Variants in LPA observed in about 807,000 individuals in gnomAD.
LPA encodes apolipoprotein(a).
LPA carries 199 observed loss-of-function variants against 197.9 expected under a neutral mutation model. The observed-to-expected ratio is 1.01, with a 90% CI of 0.90 to 1.13. LPA has a LOEUF of 1.13. Among genes scored for constraint, LPA ranks in the 50% most tolerant of loss-of-function variants. LPA has a pLI of 0.00. For synonymous variants in LPA, 715 were observed against 639.5 expected (o/e 1.12, Z -1.78); for missense variants, 1,853 against 1,785.8 (o/e 1.04, Z -0.68).
intron 22 of LPA, among the ~76,000 whole-genome samples, chr6:160,592,401 C>CTT (rs1734144937): frequency 6.6e-6 from 1 of 152,170 alleles, no homozygotes; most frequent in Non-Finnish European, 1.5e-5. Flanking sequence ...CTCTTCAATT[C>CTT]TTTTCTTTTC....
chr6:160,541,249 C>T, intron 34 of LPA, 68 bp from the exon 35 acceptor site: 1 of 1,143,242 alleles, frequency 8.7e-7, no homozygotes, highest in Non-Finnish European at 1.3e-6. Flanking sequence ...GTACAGAAAG[C>T]CAGGAAGACA....
chr6:160,579,440 G>T (rs984506140), intron 26 of LPA, among the ~76,000 whole-genome samples: 1 of 152,158 alleles, frequency 6.6e-6, no homozygotes, highest in Non-Finnish European at 1.5e-5. Context: ...TCTGCTGGCT[G>T]CAGCCACTCT....
chr6:160,606,591 G>T lies in LPA; in HGVS notation c.2671C>A (p.Pro891Thr). ...TTGCAGTACTCCCACCTGACACTGG[G>T]ATCCCTCGTATAACAATAAGGGGCT... The part of the protein sequence containing the change: ...VAAPYCYTRD[P>T]SVRWEYCNLT... The change falls in exon 17 of 39, where the codon CCC (proline) becomes ACC (threonine). Residue 891 changes from proline (P) to threonine (T), a missense_variant. Pro to Thr is a conservative substitution (Grantham distance 38, BLOSUM62 -1). Around this residue, in one of 3 missense-constraint regions of LPA, gnomAD observed 1,737 missense variants for 1,504.4 expected, o/e 1.15. Transcript: ENST00000316300. 1 of 1,613,906 alleles carries T rather than the reference G, an allele frequency of 6.2e-7. No individual in the cohort carries two copies. Among genetic ancestry groups the T allele is most frequent in the South Asian group, 1.1e-5 (1 of 91,064 alleles).
Position 160,580,772 on chromosome 6 carries a change from A to T in LPA, c.4290-2068T>A, listed in dbSNP as rs58013227. Among the ~76,000 whole-genome samples, 357 of 152,324 alleles carry T rather than the reference A, an allele frequency of 2.3e-3. 1 individual carries two copies. Among genetic ancestry groups the T allele is most frequent in the African/African-American group, 8.0e-3 (334 of 41,580 alleles). ...TGATTAGGTTGTTTGTCCTCTGATT[A>T]GTGAGTGGGAGAAATGTTTCTATAC... On this transcript the variant is annotated intron_variant, in intron 26 of 38. Transcript: ENST00000316300.
intron 21 of LPA, among the ~76,000 whole-genome samples, chr6:160,594,388 C>T (rs528917066): frequency 1.6e-4 from 24 of 152,318 alleles, no homozygotes; most frequent in African/African-American, 5.3e-4. Flanking sequence ...CATGTGCATG[C>T]TCTTTAATAT....
chr6:160,599,859 G>A (rs1779205099), intron 19 of LPA, among the ~76,000 whole-genome samples, 200 bp from the exon 20 acceptor site: 1 of 152,264 alleles, frequency 6.6e-6, no homozygotes, highest in Non-Finnish European at 1.5e-5. Flanking sequence ...ACTGTAGTAA[G>A]TTCTTAGAAA....
chr6:160,546,484 A>C (rs1384194526), intron 32 of LPA, among the ~76,000 whole-genome samples: 2 of 152,170 alleles, frequency 1.3e-5, no homozygotes, highest in Non-Finnish European at 2.9e-5. Context: ...AAATAAAAGT[A>C]ACGTGTTTCC....
At chr6:160,646,670 C>T (rs1374254618) in intron 2 of LPA, among the ~76,000 whole-genome samples, 2 of 130,466 alleles carry the variant, frequency 1.5e-5, no homozygotes, top group Non-Finnish European at 3.2e-5. Flanking sequence ...ACACACGTGG[C>T]CGAAAAACGA....
At chr6:160,589,517 T>C (rs1160777884) in intron 24 of LPA, 36 bp downstream of exon 24, 2 of 1,610,432 alleles carry the variant, frequency 1.2e-6, no homozygotes, top group Non-Finnish European at 1.7e-6. Flanking sequence ...TTTAAGTGGG[T>C]GGCTGTTTCT....
Position 160,606,211 on chromosome 6 carries a change from T to TG in LPA, c.2785+265_2785+266insC, listed in dbSNP as rs759391234. On this transcript the variant is annotated intron_variant, in intron 17 of 38. Coordinates refer to ENST00000316300, the MANE Select transcript of LPA (RefSeq NM_005577.4). ...AAAAATTTTGGCTAAGACACTGAGA[T>TG]AGCCCATTTTTCAACGAGGTGAGTT... Among the ~76,000 whole-genome samples, 482 of 152,244 alleles carry TG rather than the reference T, an allele frequency of 3.2e-3. 2 individuals are homozygous for TG. Among genetic ancestry groups the TG allele is most frequent in the South Asian group, 6.9e-3 (33 of 4,816 alleles).
chr6:160,568,921 A>AAAGAGAATAAAATACCTAGGAATTCC (rs1778512307), intron 28 of LPA, among the ~76,000 whole-genome samples: 1 of 152,222 alleles, frequency 6.6e-6, no homozygotes. Context: ...AATCCAACTT[A>AAAGAGAATAAAATACCTAGGAATTCC]CAAGGGATGG....
chr6:160,647,658 C>T (rs558500146), intron 2 of LPA, among the ~76,000 whole-genome samples: 39 of 152,234 alleles, frequency 2.6e-4, no homozygotes, highest in African/African-American at 9.4e-4. Flanking sequence ...TTGCAATATC[C>T]CTTTGAACCC....
intron 28 of LPA, among the ~76,000 whole-genome samples, chr6:160,568,542 C>A (rs1013247490): frequency 4.6e-5 from 7 of 152,116 alleles, no homozygotes; most frequent in Non-Finnish European, 1.0e-4. Flanking sequence ...ACTGAATGGG[C>A]AAAAACTGGA....
intron 28 of LPA, among the ~76,000 whole-genome samples, chr6:160,570,972 C>T (rs1002550179): frequency 1.8e-4 from 28 of 152,150 alleles, no homozygotes; most frequent in African/African-American, 6.8e-4. Flanking sequence ...TGTTTTCCAA[C>T]TTGGTTCCAT....
chr6:160,544,491 T>G (rs1340825245), intron 33 of LPA, among the ~76,000 whole-genome samples: 2 of 152,140 alleles, frequency 1.3e-5, no homozygotes, highest in Non-Finnish European at 2.9e-5. Context: ...TCTTCCCTCT[T>G]GCTCTCCCCA....
At chr6:160,610,155 C>A (rs1196919639) in intron 16 of LPA, among the ~76,000 whole-genome samples, 1 of 152,048 alleles carries the variant, frequency 6.6e-6, no homozygotes. Flanking sequence ...TCATGGATCA[C>A]ACGAAATTCT....
At chr6:160,560,072 G>A (rs1283808031) in intron 28 of LPA, among the ~76,000 whole-genome samples, 1 of 152,190 alleles carries the variant, frequency 6.6e-6, no homozygotes, top group Non-Finnish European at 1.5e-5. Context: ...AGTTTGCTGA[G>A]AATGATGGTT....
At chr6:160,596,056 G>C (rs1200135886) in intron 20 of LPA, among the ~76,000 whole-genome samples, 3 of 152,194 alleles carry the variant, frequency 2.0e-5, no homozygotes, top group Non-Finnish European at 4.4e-5. Context: ...TCAGCATCTG[G>C]TTTGCTGATT....
chr6:160,661,049 T>C (rs1025128288), intron 1 of LPA, among the ~76,000 whole-genome samples: 3 of 150,976 alleles, frequency 2.0e-5, no homozygotes, highest in African/African-American at 2.4e-5. Context: ...TGTGTTCCCA[T>C]TGCAAGGCTA....
Sources: gnomAD v4.1 joint callset for allele counts (sites outside exome capture counted in the v4.1 genomes callset) on GRCh38, gnomAD v4.1.1 for gene constraint, gnomAD v4.1.1 regional missense constraint, MANE v1.5 for transcripts, NCBI Gene and HGNC (gene_info 2026-07-23, HGNC 2026-07-21) for gene names.